The following AP1B1 variants were observed in gnomAD, a reference collection of about 807,000 sequenced individuals.
AP1B1 encodes the protein adaptor related protein complex 1 subunit beta 1, also known as AP-1 complex subunit beta-1.
In AP1B1, 36 loss-of-function variants were observed where a neutral mutation model predicts 104.3. The observed-to-expected ratio is 0.35, with a 90% CI of 0.26 to 0.46. The LOEUF is 0.46. AP1B1 is among the 20% of genes least tolerant of loss of function. AP1B1 has a pLI of 1.00. For synonymous variants in AP1B1, 504 were observed against 517.5 expected, an observed-to-expected ratio of 0.97 and a Z score of 0.35; for missense variants, 901 against 1,247.9, an observed-to-expected ratio of 0.72 and a Z score of 4.19.
At chr22:29,385,613 T>C (rs2148065571) in intron 1 of AP1B1, among the ~76,000 whole-genome samples, 1 of 152,330 alleles carries the variant, frequency 6.6e-6, no homozygotes, top group East Asian at 1.9e-4. Flanking sequence ...ATTCCCCAAC[T>C]GCTCTGTTGA....
chr22:29,330,894 G>A (rs949392306), intron 19 of AP1B1, among the ~76,000 whole-genome samples, 185 bp from the exon 20 acceptor site: 14 of 152,120 alleles, frequency 9.2e-5, no homozygotes, highest in African/African-American at 3.4e-4. Context: ...AGGCCCCAGT[G>A]CCGCTTCCAA....
intron 16 of AP1B1, 126 bp from the exon 17 acceptor site, chr22:29,334,536 C>T (rs2061609688): frequency 9.6e-7 from 1 of 1,042,370 alleles, no homozygotes; most frequent in Non-Finnish European, 1.3e-6. Context: ...AGCACCCCCA[C>T]CTTTACTGCT....
intron 1 of AP1B1, among the ~76,000 whole-genome samples, chr22:29,379,791 A>G (rs2062408629): frequency 6.6e-6 from 1 of 152,190 alleles, no homozygotes; most frequent in Non-Finnish European, 1.5e-5. Context: ...TGCACCACGA[A>G]ATTGCCAATG....
intron 21 of AP1B1, 168 bp downstream of exon 21, chr22:29,330,210 G>A (rs762293313): frequency 5.7e-5 from 84 of 1,467,638 alleles, no homozygotes; most frequent in African/African-American, 2.9e-4. Context: ...GTAACCTGAC[G>A]GGGTTGATTT....
intron 3 of AP1B1, among the ~76,000 whole-genome samples, chr22:29,362,531 G>C (rs2062066633): frequency 6.6e-6 from 1 of 151,988 alleles, no homozygotes; most frequent in Non-Finnish European, 1.5e-5. Context: ...ATTTTTAGTA[G>C]AGACAGGATA....
chr22:29,341,181 G>A (rs768627098), intron 13 of AP1B1, among the ~76,000 whole-genome samples: 1 of 152,228 alleles, frequency 6.6e-6, no homozygotes, highest in Non-Finnish European at 1.5e-5. Context: ...AGGAGGAGGC[G>A]CAGACAGGGA....
chr22:29,353,281 G>A (rs1334058411), intron 7 of AP1B1, among the ~76,000 whole-genome samples: 1 of 152,128 alleles, frequency 6.6e-6, no homozygotes. Flanking sequence ...GGAGGTCCTG[G>A]CCAAGCAAGG....
rs763423357 is a variant in AP1B1, at chr22:29,328,994, C to T, written c.2776-99G>A. The T allele has an allele frequency of 5.0e-5, 76 of 1,526,706 alleles. No individual in the cohort carries two copies. Among genetic ancestry groups the T allele is most frequent in the Non-Finnish European group, 6.3e-5 (72 of 1,138,712 alleles). 94.6% of individuals were successfully genotyped at this position (1,526,706 alleles called of 1,614,324 possible). ...AAGAGAGCAGGAACCAATGGGACAG[C>T]GTGGAGTGCACACAGCCTGGCGGCA... is the stretch of plus-strand genomic sequence containing the variant. On this transcript the variant is annotated intron_variant, in intron 22 of 22. Transcript: ENST00000357586. This position sits in a 1 kb window ranked among gnomAD's most constrained non-coding sequence, Gnocchi z 4.1.
chr22:29,329,957 G>A (rs1484729786), intron 21 of AP1B1: 18 of 1,418,864 alleles, frequency 1.3e-5, no homozygotes, highest in Middle Eastern at 2.5e-4. Context: ...GGACAACTGT[G>A]TGCCCCAGGG....
chr22:29,362,879 G>A, intron 3 of AP1B1, 122 bp downstream of exon 3: 1 of 670,338 alleles, frequency 1.5e-6, no homozygotes, highest in Non-Finnish European at 2.7e-6. Context: ...TTTATGAAGG[G>A]AGCTGTATGA....
intron 1 of AP1B1, among the ~76,000 whole-genome samples, chr22:29,382,124 A>G (rs1445344402): frequency 6.6e-6 from 1 of 152,096 alleles, no homozygotes; most frequent in Non-Finnish European, 1.5e-5. Flanking sequence ...GGGTGTGATC[A>G]TAGCTCACTG....
chr22:29,347,910 G>A (rs759417071), intron 11 of AP1B1, among the ~76,000 whole-genome samples: 14 of 152,146 alleles, frequency 9.2e-5, no homozygotes, highest in Non-Finnish European at 1.8e-4. Context: ...GGTTATTCTC[G>A]GCAGTACTGT....
At chr22:29,330,600 G>A in intron 20 of AP1B1, 23 bp downstream of exon 20, 2 of 1,613,724 alleles carry the variant, frequency 1.2e-6, no homozygotes, top group Non-Finnish European at 1.7e-6. Context: ...GAGGGGCTGG[G>A]GTCGGGGGCT....
intron 11 of AP1B1, 139 bp from the exon 12 acceptor site, chr22:29,342,522 G>A (rs1383734213): frequency 2.2e-5 from 15 of 678,990 alleles, no homozygotes; most frequent in East Asian, 5.5e-5. Flanking sequence ...GGGCTGTCAC[G>A]GCACACAGGC....
Position 29,328,499 on chromosome 22 carries a change from G to A in AP1B1, c.*322C>T, listed in dbSNP as rs1267637538. The A allele has an allele frequency of 7.3e-6, 2 of 274,930 alleles. No homozygotes were observed. Among genetic ancestry groups the A allele is most frequent in the Non-Finnish European group, 1.4e-5 (2 of 143,070 alleles). 17.0% of individuals were successfully genotyped at this position (274,930 alleles called of 1,614,324 possible). A position where few individuals can be genotyped will look rare whatever the true frequency, so the allele number is the denominator to read the frequency against. On this transcript the variant is annotated 3_prime_UTR_variant, in exon 23 of 23. Transcript: ENST00000357586. This position sits in a 1 kb window ranked among gnomAD's most constrained non-coding sequence, Gnocchi z 4.1. ...GGGCTGCCGGGGCTGTGAGCCGGAGGGGCAAGCTCCACACTCACCCTTCAG... is the reference window on the plus strand; with the variant it reads ...GGGCTGCCGGGGCTGTGAGCCGGAGAGGCAAGCTCCACACTCACCCTTCAG...
intron 1 of AP1B1, among the ~76,000 whole-genome samples, chr22:29,373,227 G>A (rs1177302353): frequency 1.3e-5 from 2 of 151,994 alleles, no homozygotes; most frequent in African/African-American, 4.8e-5. Context: ...AGCCAACATC[G>A]CACTACTGCA....
In AP1B1 at chr22:29,380,427, C is replaced by T. The variant is rs145313688; in HGVS notation, c.-28+7997G>A. Among the ~76,000 whole-genome samples, 77 of 152,228 alleles carry T rather than the reference C, an allele frequency of 5.1e-4. 1 individual carries two copies. Among genetic ancestry groups the T allele is most frequent in the Middle Eastern group, 6.8e-3 (2 of 294 alleles). On this transcript the variant is annotated intron_variant, in intron 1 of 22. Transcript: ENST00000357586. Reference sequence around the variant, plus strand: ...CCCCAGAACCCCCGGGCACACATGTCCAAACTGTGTAACTGACATCTCCAC... The same window carrying T: ...CCCCAGAACCCCCGGGCACACATGTTCAAACTGTGTAACTGACATCTCCAC...
At chr22:29,373,714 C>G (rs1404184528) in intron 1 of AP1B1, among the ~76,000 whole-genome samples, 1 of 152,060 alleles carries the variant, frequency 6.6e-6, no homozygotes, top group African/African-American at 2.4e-5. Context: ...ACTGGCCTGG[C>G]TAACATGGTG....
intron 2 of AP1B1, among the ~76,000 whole-genome samples, chr22:29,364,101 A>T (rs2062094213): frequency 6.6e-6 from 1 of 152,218 alleles, no homozygotes; most frequent in Non-Finnish European, 1.5e-5. Flanking sequence ...ATAGAACCTG[A>T]GTACTTAAGG....
Sources: gnomAD v4.1 joint callset for allele counts (sites outside exome capture counted in the v4.1 genomes callset) on GRCh38, gnomAD v4.1.1 for gene constraint, Gnocchi (gnomAD v3.1) non-coding constraint, MANE v1.5 for transcripts, NCBI Gene and HGNC (gene_info 2026-07-23, HGNC 2026-07-21) for gene names.